Variants in ATRNL1 observed in about 807,000 individuals in gnomAD.
The protein encoded by ATRNL1 is attractin like 1, also known as attractin-like protein 1.
ATRNL1 carries 95 observed loss-of-function variants against 182.7 expected under a neutral mutation model. The observed-to-expected ratio is 0.52, with a 90% CI of 0.44 to 0.62. ATRNL1 has a LOEUF of 0.62. ATRNL1 is among the 20% of genes least tolerant of loss of function. The probability of loss-of-function intolerance (pLI) is 0.00; values close to 1 mark genes in which losing one functional copy is unlikely to be tolerated. For missense variants in ATRNL1, 1,471 were observed against 1,679.5 expected, an observed-to-expected ratio of 0.88 and a Z score of 2.17; for synonymous variants, 576 against 568.3, an observed-to-expected ratio of 1.01 and a Z score of -0.19.
At chr10:115,883,197 C>T (rs1466276565) in intron 28 of ATRNL1, among the ~76,000 whole-genome samples, 3 of 152,164 alleles carry the variant, frequency 2.0e-5, no homozygotes, top group African/African-American at 7.2e-5. Context: ...AACTCTTTAC[C>T]CCTCCTGCAC....
rs71010022 is a variant in ATRNL1 at position 115,407,985 on chromosome 10, C to CTTTTTT, written c.3269+13257_3269+13262dup. Among the ~76,000 whole-genome samples, 299 of 97,800 alleles carry CTTTTTT rather than the reference C, an allele frequency of 3.1e-3. 10 individuals are homozygous for CTTTTTT. The highest frequency in any genetic ancestry group is 0.012 in the Middle Eastern group (2 of 166). The allele number at this position is 97,800 out of a possible 152,430, so 64.2% of individuals were successfully genotyped here. On this transcript the variant is annotated intron_variant, in intron 20 of 28. Coordinates refer to ENST00000355044, the MANE Select transcript of ATRNL1 (RefSeq NM_207303.4). Reference sequence around the variant, plus strand: ...CTCTTTGTGGTTTTGATTTGCATTTCTTTTTTTTTTTTTTTTTTTTTTTTT... The same window carrying CTTTTTT: ...CTCTTTGTGGTTTTGATTTGCATTTCTTTTTTTTTTTTTTTTTTTTTTTTTTTTTTT...
intron 19 of ATRNL1, among the ~76,000 whole-genome samples, chr10:115,384,048 A>T (rs551533864): frequency 1.4e-4 from 21 of 152,164 alleles, no homozygotes; most frequent in African/African-American, 4.8e-4. Flanking sequence ...AGATCTTAAA[A>T]TTAAAATTAT....
intron 25 of ATRNL1, among the ~76,000 whole-genome samples, chr10:115,540,289 C>G (rs1852279330): frequency 6.6e-6 from 1 of 152,072 alleles, no homozygotes; most frequent in African/African-American, 2.4e-5. Flanking sequence ...CCGGACTGAA[C>G]AGTGGGTAGC....
chr10:115,698,786 AAG>A lies in ATRNL1; in HGVS notation c.3796-28460_3796-28459del, dbSNP rs1470308112. On this transcript the variant is annotated intron_variant, in intron 26 of 28. Transcript: ENST00000355044. ...AGCGAGACTCCATCTCAAAAAAAAA[AAG>A]AAGAAGAAATGTGAGTAGACCAAAA... 3.9e-5 allele frequency among the ~76,000 whole-genome samples: 6 copies of A among 152,086 alleles called. No homozygotes were observed. In the South Asian group the frequency reaches 1.2e-3, roughly 32 times the overall value.
At chr10:115,141,980 C>CT (rs144671186) in intron 5 of ATRNL1, among the ~76,000 whole-genome samples, 1,997 of 152,052 alleles carry the variant, frequency 0.013, 40 homozygotes, top group African/African-American at 0.046. Context: ...GTAACAGTTT[C>CT]TTTTTTTGAG....
chr10:115,193,511 T>G (rs1848242811), intron 8 of ATRNL1, among the ~76,000 whole-genome samples: 2 of 151,988 alleles, frequency 1.3e-5, no homozygotes. Context: ...GCACTTTGTC[T>G]CCTAATAGTC....
intron 28 of ATRNL1, among the ~76,000 whole-genome samples, chr10:115,856,648 A>T (rs529663582): frequency 1.3e-5 from 2 of 151,950 alleles, no homozygotes; most frequent in Admixed American, 6.6e-5. Flanking sequence ...GTCATCAGGC[A>T]TTAGTTACAT....
chr10:115,880,863 GAGAA>G (rs1450329066), intron 28 of ATRNL1, among the ~76,000 whole-genome samples: 1 of 152,188 alleles, frequency 6.6e-6, no homozygotes. Context: ...TGCTTTAGAA[GAGAA>G]AGAGAGGAAG....
intron 26 of ATRNL1, among the ~76,000 whole-genome samples, chr10:115,602,216 T>C (rs1417561390): frequency 6.6e-6 from 1 of 152,050 alleles, no homozygotes; most frequent in African/African-American, 2.4e-5. Context: ...TAGCTGGGCA[T>C]GGTGGTGGGC....
At chr10:115,479,380 A>G (rs1303103037) in intron 24 of ATRNL1, among the ~76,000 whole-genome samples, 1 of 151,624 alleles carries the variant, frequency 6.6e-6, no homozygotes, top group Non-Finnish European at 1.5e-5. Flanking sequence ...CTATTTGTAC[A>G]GAATTAATCA....
intron 27 of ATRNL1, among the ~76,000 whole-genome samples, chr10:115,828,914 C>A (rs1950499715): frequency 6.6e-6 from 1 of 152,166 alleles, no homozygotes; most frequent in East Asian, 1.9e-4. Flanking sequence ...ATTATTAGCC[C>A]TCTCCAAATT....
chr10:115,134,758 C>T (rs1275576240), intron 5 of ATRNL1, among the ~76,000 whole-genome samples: 2 of 152,190 alleles, frequency 1.3e-5, no homozygotes, highest in Non-Finnish European at 2.9e-5. Flanking sequence ...ACCAATATCT[C>T]TGATGAACAT....
chr10:115,394,530 T>C (rs1844192084), intron 19 of ATRNL1, 129 bp from the exon 20 acceptor site: 1 of 688,842 alleles, frequency 1.5e-6, no homozygotes, highest in Admixed American at 2.6e-5. Context: ...TACTATCTGG[T>C]AACCTTAGTT....
At chr10:115,264,624 G>A (rs369167234) in intron 10 of ATRNL1, among the ~76,000 whole-genome samples, 1 of 151,364 alleles carries the variant, frequency 6.6e-6, no homozygotes, top group East Asian at 1.9e-4. Flanking sequence ...ATAGTTCATA[G>A]ATTATTTATG....
At chr10:115,302,475 G>A (rs1198353771) in intron 17 of ATRNL1, among the ~76,000 whole-genome samples, 2 of 152,062 alleles carry the variant, frequency 1.3e-5, no homozygotes, top group Admixed American at 6.6e-5. Context: ...ATTTGGATTT[G>A]TCTAATTTTT....
intron 26 of ATRNL1, among the ~76,000 whole-genome samples, chr10:115,605,355 A>G (rs552171667): frequency 2.0e-5 from 3 of 152,122 alleles, no homozygotes; most frequent in Non-Finnish European, 2.9e-5. Context: ...CTAGATCTTG[A>G]TGATGGAATA....
intron 20 of ATRNL1, among the ~76,000 whole-genome samples, chr10:115,423,830 C>T (rs1010426496): frequency 6.6e-6 from 1 of 151,998 alleles, no homozygotes; most frequent in Non-Finnish European, 1.5e-5. Flanking sequence ...GAAGAGAACA[C>T]GGAGGTAACA....
chr10:115,596,074 T>C (rs1555013835), intron 26 of ATRNL1, among the ~76,000 whole-genome samples: 1 of 152,194 alleles, frequency 6.6e-6, no homozygotes, highest in Non-Finnish European at 1.5e-5. Context: ...GTATATTGTG[T>C]TGGTGTTCGG....
At chr10:115,337,250 C>A (rs1324217342) in intron 19 of ATRNL1, among the ~76,000 whole-genome samples, 1 of 151,996 alleles carries the variant, frequency 6.6e-6, no homozygotes, top group Non-Finnish European at 1.5e-5. Context: ...CATGAAATAT[C>A]TTGATACAGG....
Sources: allele counts gnomAD v4.1 joint callset (sites outside exome capture counted in the v4.1 genomes callset), GRCh38; gene constraint gnomAD v4.1.1; transcripts MANE v1.5; gene names NCBI Gene and HGNC (gene_info 2026-07-23, HGNC 2026-07-21).